Variants in RBM26 observed in about 807,000 individuals in gnomAD.
RBM26 encodes RNA binding motif protein 26.
Under a neutral mutation model 123.6 loss-of-function variants are expected in RBM26, and 30 were observed. That is an observed-to-expected ratio of 0.24 (90% confidence interval 0.18 to 0.33). RBM26 has a LOEUF of 0.33. Ranked by LOEUF, RBM26 falls within the 10% of genes least tolerant of loss-of-function variation. The pLI, the probability that RBM26 is intolerant of heterozygous loss-of-function variation, is 1.00. For synonymous variants in RBM26, 400 were observed against 404.4 expected, an observed-to-expected ratio of 0.99 and a Z score of 0.13; for missense variants, 947 against 1,203.6, an observed-to-expected ratio of 0.79 and a Z score of 3.15.
intron 1 of RBM26, among the ~76,000 whole-genome samples, chr13:79,394,719 C>T (rs934173834): frequency 2.0e-5 from 3 of 152,142 alleles, no homozygotes; most frequent in Admixed American, 6.5e-5. Flanking sequence ...CTGCAACCTC[C>T]GCCTCCTGGG....
At chr13:79,405,630 G>C in intron 1 of RBM26, 74 bp downstream of exon 1, 1 of 1,077,960 alleles carries the variant, frequency 9.3e-7, no homozygotes. Context: ...GGCACTTGGG[G>C]AAACTGCACA....
At chr13:79,371,538 A>C (rs1359687936) in intron 4 of RBM26, among the ~76,000 whole-genome samples, 1 of 152,056 alleles carries the variant, frequency 6.6e-6, no homozygotes, top group African/African-American at 2.4e-5. Flanking sequence ...AAAACAATTT[A>C]ATCACACTAA....
intron 1 of RBM26, chr13:79,389,731 T>C (rs1468908183): frequency 6.6e-6 from 1 of 152,234 alleles, no homozygotes; most frequent in Non-Finnish European, 1.5e-5. Context: ...AAAGAGGATT[T>C]TGCTTTTCAA....
intron 1 of RBM26, among the ~76,000 whole-genome samples, chr13:79,385,838 A>G (rs753214722): frequency 1.2e-4 from 18 of 152,126 alleles, no homozygotes; most frequent in Admixed American, 5.9e-4. Context: ...AGGACTCTCT[A>G]TTCTGCATTT....
Position 79,378,193 on chromosome 13 carries a change from T to A in RBM26, c.190+596A>T, listed in dbSNP as rs77422339. ...CTGAAAAGCAATGCGCTAGGTAAGA[T>A]TCAAAGCAGTTTCCTAAGCAGTACT... On this transcript the variant is annotated intron_variant, in intron 2 of 21. Coordinates refer to ENST00000438737, the MANE Select transcript of RBM26 (RefSeq NM_001366735.2). 2.4e-3 allele frequency among the ~76,000 whole-genome samples: 359 copies of A among 152,316 alleles called. 2 individuals carry two copies. Among genetic ancestry groups the A allele is most frequent in the African/African-American group, 8.3e-3 (344 of 41,568 alleles).
chr13:79,395,384 A>G (rs930609004), intron 1 of RBM26, among the ~76,000 whole-genome samples: 1 of 152,148 alleles, frequency 6.6e-6, no homozygotes, highest in African/African-American at 2.4e-5. Flanking sequence ...GAAAATCCAG[A>G]AATAAAAAAT....
intron 1 of RBM26, among the ~76,000 whole-genome samples, chr13:79,389,369 T>C (rs561578496): frequency 6.6e-6 from 1 of 152,008 alleles, no homozygotes; most frequent in Non-Finnish European, 1.5e-5. Flanking sequence ...AAAGCAAACA[T>C]ACACATAGAG....
chr13:79,358,499 T>A, intron 10 of RBM26, 66 bp from the exon 11 acceptor site: 3 of 1,278,294 alleles, frequency 2.3e-6, no homozygotes, highest in Non-Finnish European at 3.3e-6. Context: ...TACAAGGGAA[T>A]AAAGTTTAAC....
At chr13:79,364,119 TA>T (rs942553765) in intron 9 of RBM26, among the ~76,000 whole-genome samples, 1 of 113,276 alleles carries the variant, frequency 8.8e-6, no homozygotes, top group African/African-American at 3.5e-5. Context: ...TACAAGCTGT[TA>T]AAAAAAATCT....
At chr13:79,363,939 T>C (rs2074990574) in intron 9 of RBM26, among the ~76,000 whole-genome samples, 3 of 152,156 alleles carry the variant, frequency 2.0e-5, no homozygotes, top group South Asian at 2.1e-4. Flanking sequence ...GCAAGGAATA[T>C]TGGTATGAGG....
chr13:79,343,769 A>G (rs1200196417), intron 16 of RBM26, among the ~76,000 whole-genome samples: 2 of 151,890 alleles, frequency 1.3e-5, no homozygotes, highest in African/African-American at 4.8e-5. Flanking sequence ...GTGATGTTTT[A>G]CTTTTTTCTT....
intron 1 of RBM26, among the ~76,000 whole-genome samples, chr13:79,392,292 T>A (rs1027173946): frequency 7.2e-6 from 1 of 138,882 alleles, no homozygotes; most frequent in Non-Finnish European, 1.5e-5. Flanking sequence ...ATATAAAATA[T>A]ATAATTAATT....
chr13:79,398,316 A>G (rs889365434), intron 1 of RBM26, among the ~76,000 whole-genome samples: 1 of 152,238 alleles, frequency 6.6e-6, no homozygotes, highest in Admixed American at 6.5e-5. Context: ...CTCATAATAC[A>G]GTCCCTATCT....
chr13:79,319,104 C>G lies in RBM26; in HGVS notation c.*1517G>C. On this transcript the variant is annotated 3_prime_UTR_variant, in exon 22 of 22. Transcript: ENST00000438737. ...CATTTCTATGAAATAGTGTTACCAT[C>G]AAGAAAATACACACAACTTCAACCC... The G allele has an allele frequency of 1.0e-6, 1 of 984,336 alleles. No homozygotes were observed. Among genetic ancestry groups the G allele is most frequent in the African/African-American group, 1.7e-5 (1 of 57,238 alleles). 61.0% of individuals were successfully genotyped at this position (984,336 alleles called of 1,614,324 possible).
intron 1 of RBM26, among the ~76,000 whole-genome samples, chr13:79,399,199 T>C (rs565179087): frequency 5.3e-5 from 8 of 152,284 alleles, no homozygotes; most frequent in South Asian, 2.1e-4. Flanking sequence ...GATCTTTGAC[T>C]TCAACACAAA....
rs771031801 is a variant in RBM26, at chr13:79,322,466, A to C, written c.2821-4T>G. On this transcript the variant is annotated splice_region_variant and splice_polypyrimidine_tract_variant and intron_variant, in intron 20 of 21. Coordinates refer to ENST00000438737, the MANE Select transcript of RBM26 (RefSeq NM_001366735.2). ...AACGAGCTCCATGAACTGCAGCCTA[A>C]AATGATTAAAAATATTGGAATATAA... 1 of 1,529,594 alleles carries C rather than the reference A, an allele frequency of 6.5e-7. No individual in the cohort carries two copies. Among genetic ancestry groups the C allele is most frequent in the South Asian group, 1.3e-5 (1 of 77,254 alleles). 94.8% of individuals were successfully genotyped at this position (1,529,594 alleles called of 1,614,324 possible).
At chr13:79,396,931 T>C (rs1389972718) in intron 1 of RBM26, among the ~76,000 whole-genome samples, 6 of 152,190 alleles carry the variant, frequency 3.9e-5, no homozygotes, top group African/African-American at 9.6e-5. Flanking sequence ...CCAGTAATCC[T>C]AGCACTGGGA....
rs188123449 is a variant in RBM26, at chr13:79,338,516, A to T, written c.2533-1214T>A. Among the ~76,000 whole-genome samples, 12 of 152,350 alleles carry T rather than the reference A, an allele frequency of 7.9e-5. No individual in the cohort carries two copies. In the East Asian group the frequency reaches 1.9e-3, roughly 24 times the overall value. On this transcript the variant is annotated intron_variant, in intron 18 of 21. Transcript: ENST00000438737. ...AACGCTGAAAGAAATGTAATTTCCC[A>T]AAGAATGAATATAATCCAGTGTAGC...
At chr13:79,317,131 G>A (rs1358006606), downstream of RBM26, among the ~76,000 whole-genome samples, 1 of 151,698 alleles carries the variant, frequency 6.6e-6, no homozygotes, top group Non-Finnish European at 1.5e-5. Flanking sequence ...TTGGAAAAAG[G>A]AAGTGCTGGT....
Sources: gnomAD v4.1 joint callset for allele counts (sites outside exome capture counted in the v4.1 genomes callset) on GRCh38, gnomAD v4.1.1 for gene constraint, MANE v1.5 for transcripts, NCBI Gene and HGNC (gene_info 2026-07-23, HGNC 2026-07-21) for gene names.